RIMS1: variants seen among roughly 807,000 people sequenced by gnomAD.
RIMS1 encodes regulating synaptic membrane exocytosis 1.
Under a neutral mutation model 214.1 loss-of-function variants are expected in RIMS1, and 83 were observed. The ratio of observed to expected loss-of-function variants is 0.39; its 90% confidence interval spans 0.32 to 0.47. The LOEUF (loss-of-function observed/expected upper bound fraction) is 0.47, where lower values mean the gene tolerates loss of function less well. Ranked by LOEUF, RIMS1 falls within the 20% of genes least tolerant of loss-of-function variation. The pLI is 0.99. For missense variants in RIMS1, 2,050 were observed against 2,161.8 expected, an observed-to-expected ratio of 0.95 and a Z score of 1.03; for synonymous variants, 793 against 786.8, an observed-to-expected ratio of 1.01 and a Z score of -0.13.
intron 28 of RIMS1, among the ~76,000 whole-genome samples, chr6:72,331,709 AT>A (rs2096664805): frequency 6.6e-6 from 1 of 151,908 alleles, no homozygotes; most frequent in East Asian, 1.9e-4. Flanking sequence ...TTGATCATAC[AT>A]AATAATACTC....
chr6:72,068,659 C>A (rs758396289), intron 2 of RIMS1, among the ~76,000 whole-genome samples: 1 of 152,042 alleles, frequency 6.6e-6, no homozygotes, highest in Admixed American at 6.6e-5. Context: ...CGTGGTGGCT[C>A]ATGCCTGTAA....
At chr6:72,157,439 T>TTTA (rs2044584922) in intron 4 of RIMS1, among the ~76,000 whole-genome samples, 1 of 140,190 alleles carries the variant, frequency 7.1e-6, no homozygotes, top group Non-Finnish European at 1.6e-5. Context: ...TAAGTTTATA[T>TTTA]AGGTTGAGAC....
intron 29 of RIMS1, among the ~76,000 whole-genome samples, chr6:72,371,040 A>G (rs2098200374): frequency 1.3e-5 from 2 of 152,212 alleles, no homozygotes; most frequent in Admixed American, 1.3e-4. Context: ...AAAACTTGAA[A>G]TTTTAAAATT....
At chr6:72,250,826 A>G in intron 13 of RIMS1, 95 bp from the exon 14 acceptor site, 1 of 670,244 alleles carries the variant, frequency 1.5e-6, no homozygotes, top group Non-Finnish European at 2.5e-6. Context: ...TTATTAGTTA[A>G]AATAATATAA....
At chr6:72,270,516 A>C (rs2082535917) in intron 22 of RIMS1, among the ~76,000 whole-genome samples, 1 of 152,118 alleles carries the variant, frequency 6.6e-6, no homozygotes, top group African/African-American at 2.4e-5. Flanking sequence ...TTTCACTTCA[A>C]AGTTGGATTG....
chr6:71,976,725 A>T (rs1410602873), intron 2 of RIMS1, among the ~76,000 whole-genome samples: 3 of 152,050 alleles, frequency 2.0e-5, no homozygotes, highest in Admixed American at 6.6e-5. Context: ...ATACTTTTAG[A>T]TCTTACATTT....
In RIMS1 at chr6:72,214,726, C is replaced by CT. The variant is rs922731271; in HGVS notation, c.1679-19036dup. 3.5e-3 allele frequency among the ~76,000 whole-genome samples: 505 copies of CT among 146,038 alleles called. 3 individuals carry two copies. The highest frequency in any genetic ancestry group is 9.9e-3 in the African/African-American group (397 of 40,108). On this transcript the variant is annotated intron_variant, in intron 6 of 33. Coordinates refer to ENST00000521978, the MANE Select transcript of RIMS1 (RefSeq NM_014989.7). The stretch of plus-strand genomic sequence containing the variant: ...CATAGGCTTATATGATTCATGCATT[C>CT]TTTTTTTTTTTGGGAGATGGAATCT...
At chr6:72,277,665 G>A (rs759821287) in intron 23 of RIMS1, among the ~76,000 whole-genome samples, 7 of 151,892 alleles carry the variant, frequency 4.6e-5, no homozygotes, top group Admixed American at 1.3e-4. Flanking sequence ...GGAATCCCAG[G>A]GGATGTTTTC....
chr6:72,390,490 A>AATTTGTAATTAT, intron 29 of RIMS1, 108 bp from the exon 30 acceptor site: 1 of 1,250,692 alleles, frequency 8.0e-7, no homozygotes, highest in Non-Finnish European at 1.1e-6. Flanking sequence ...TTTCTGATTA[A>AATTTGTAATTAT]ATTTGTAATT....
chr6:72,169,314 C>T (rs1019965663), intron 4 of RIMS1, among the ~76,000 whole-genome samples: 1 of 152,096 alleles, frequency 6.6e-6, no homozygotes, highest in Admixed American at 6.5e-5. Flanking sequence ...TATAAGCCTT[C>T]TCAAAAATAT....
At chr6:72,369,781 C>T (rs1333798477) in intron 29 of RIMS1, among the ~76,000 whole-genome samples, 1 of 152,150 alleles carries the variant, frequency 6.6e-6, no homozygotes, top group African/African-American at 2.4e-5. Context: ...CAGAAAACCC[C>T]AAAGTATTGT....
Position 72,252,745 on chromosome 6 carries a change from C to T in RIMS1, c.2699-16C>T. The T allele has an allele frequency of 6.4e-7, 1 of 1,552,310 alleles. No homozygotes were observed. Among genetic ancestry groups the T allele is most frequent in the South Asian group, 1.2e-5 (1 of 84,240 alleles). ...AACCAGACACAGAAGTATCTCTTTG[C>T]CTTACTGTTGTGCAGGATCTCAGCG... is the stretch of plus-strand genomic sequence containing the variant. On this transcript the variant is annotated splice_polypyrimidine_tract_variant and intron_variant, in intron 15 of 33. Coordinates refer to ENST00000521978, the MANE Select transcript of RIMS1 (RefSeq NM_014989.7).
intron 2 of RIMS1, among the ~76,000 whole-genome samples, chr6:72,080,074 TAAAAAAAAAAAA>T (rs770845471): frequency 0.052 from 1,156 of 22,414 alleles, 36 homozygotes; most frequent in African/African-American, 0.15. Flanking sequence ...GTGTCTCTAC[TAAAAAAAAAAAA>T]AAAAAAAAAA....
intron 11 of RIMS1, among the ~76,000 whole-genome samples, chr6:72,247,094 G>A (rs2070302434): frequency 6.6e-6 from 1 of 152,018 alleles, no homozygotes; most frequent in African/African-American, 2.4e-5. Context: ...TGTACTTGCT[G>A]GATCAATAGC....
At chr6:72,230,912 A>T (rs973693808) in intron 6 of RIMS1, among the ~76,000 whole-genome samples, 2 of 151,536 alleles carry the variant, frequency 1.3e-5, no homozygotes, top group African/African-American at 4.8e-5. Flanking sequence ...GTATTTCCTG[A>T]TTCTAAATTA....
rs537614208 is a variant in RIMS1, at chr6:72,094,846, A to G, written c.246-2103A>G. 3.4e-4 allele frequency among the ~76,000 whole-genome samples: 51 copies of G among 152,064 alleles called. 1 individual carries two copies. The South Asian group carries it at 0.01, about 31-fold the overall frequency. On this transcript the variant is annotated intron_variant, in intron 2 of 33. Coordinates refer to ENST00000521978, the MANE Select transcript of RIMS1 (RefSeq NM_014989.7). ...ATTTATATTTACTTAAATAGATTTG[A>G]TTTGGTGGTTCTCACAATAAATATT...
intron 2 of RIMS1, among the ~76,000 whole-genome samples, chr6:72,070,394 T>A (rs1467818189): frequency 6.6e-6 from 1 of 152,122 alleles, no homozygotes; most frequent in Non-Finnish European, 1.5e-5. Context: ...CTAAGGAGCT[T>A]ATGGTCAACT....
chr6:72,156,483 T>C lies in RIMS1; in HGVS notation c.472-23092T>C, dbSNP rs1187788460. Among the ~76,000 whole-genome samples the C allele has an allele frequency of 4.3e-5, 6 of 139,910 alleles. 2 individuals carry two copies. The highest frequency in any genetic ancestry group is 9.8e-5 in the Non-Finnish European group (6 of 61,514). The allele number at this position is 139,910 out of a possible 152,430, so 91.8% of individuals were successfully genotyped here. A position where few individuals can be genotyped will look rare whatever the true frequency, so the allele number is the denominator to read the frequency against. ...GGCAGGGCCTGGGGGATGAAGGAAA[T>C]GGGGAGAAGTAGGTAAAAGGGTACT... On this transcript the variant is annotated intron_variant, in intron 4 of 33. Transcript: ENST00000521978.
At chr6:72,362,253 G>T (rs1206564967) in intron 29 of RIMS1, among the ~76,000 whole-genome samples, 1 of 152,084 alleles carries the variant, frequency 6.6e-6, no homozygotes, top group Non-Finnish European at 1.5e-5. Flanking sequence ...GGATGAAGTA[G>T]TACAAGTCTG....
Sources: gnomAD v4.1 joint callset for allele counts (sites outside exome capture counted in the v4.1 genomes callset) on GRCh38, gnomAD v4.1.1 for gene constraint, MANE v1.5 for transcripts, NCBI Gene and HGNC (gene_info 2026-07-23, HGNC 2026-07-21) for gene names.